The following BAZ1A variants were observed in gnomAD, a reference collection of about 807,000 sequenced individuals.
BAZ1A encodes the protein bromodomain adjacent to zinc finger domain protein 1A.
BAZ1A carries 50 observed loss-of-function variants against 185.2 expected under a neutral mutation model. That is an observed-to-expected ratio of 0.27 (90% CI 0.22 to 0.34). The LOEUF (loss-of-function observed/expected upper bound fraction) is 0.34, where lower values mean the gene tolerates loss of function less well. Among genes scored for constraint, BAZ1A ranks in the 10% least tolerant of loss-of-function variants. The pLI is 1.00. For missense variants in BAZ1A, 1,356 were observed against 1,839.9 expected, an observed-to-expected ratio of 0.74 and a Z score of 4.81; for synonymous variants, 571 against 615.6, an observed-to-expected ratio of 0.93 and a Z score of 1.07.
rs751691338 is a variant in BAZ1A, at chr14:34,753,411, G to C, written c.*97C>G. 5.0e-6 allele frequency: 6 copies of C among 1,196,870 alleles called. No homozygotes were observed. Among genetic ancestry groups the C allele is most frequent in the Non-Finnish European group, 7.2e-6 (6 of 833,276 alleles). 74.1% of individuals were successfully genotyped at this position (1,196,870 alleles called of 1,614,324 possible). A position where few individuals can be genotyped will look rare whatever the true frequency, so the allele number is the denominator to read the frequency against. ...TATAGTGCAGGCCACACTTTCATGTGGTCAATCAATTGTTATTGCTTTATA... is the reference window on the plus strand; with the variant it reads ...TATAGTGCAGGCCACACTTTCATGTCGTCAATCAATTGTTATTGCTTTATA... On this transcript the variant is annotated 3_prime_UTR_variant, in exon 27 of 27. Coordinates refer to ENST00000360310, the MANE Select transcript of BAZ1A (RefSeq NM_013448.3).
At position 34,780,229 on chromosome 14, in the gene BAZ1A, A is replaced by G. The variant is rs926623264; in HGVS notation, c.2193T>C (p.Thr731=). The G allele has an allele frequency of 1.2e-6, 2 of 1,613,576 alleles. No homozygotes were observed. The highest frequency in any genetic ancestry group is 2.7e-5 in the African/African-American group (2 of 74,920). ...GTGATCCTGGGTCATCTTCATCTTCAGTGACCATATCTTGATCTAATTCCT... is the reference window on the plus strand; with the variant it reads ...GTGATCCTGGGTCATCTTCATCTTCGGTGACCATATCTTGATCTAATTCCT... ...EQKELDQDMV[T]EDEDDPGSHK... is the part of the protein sequence containing the mutation. Residue 731 remains threonine, a synonymous_variant, in exon 17 of 27, where the codon ACT becomes ACC. Transcript: ENST00000360310.
chr14:34,854,638 T>C (rs2042647046), intron 3 of BAZ1A, among the ~76,000 whole-genome samples: 1 of 152,154 alleles, frequency 6.6e-6, no homozygotes, highest in South Asian at 2.1e-4. Flanking sequence ...TACATATACA[T>C]TTTCATTTTA....
At chr14:34,872,913 T>TAAAAAAAAAAAA in intron 2 of BAZ1A, among the ~76,000 whole-genome samples, 1 of 76,180 alleles carries the variant, frequency 1.3e-5, no homozygotes, top group Non-Finnish European at 2.2e-5. Flanking sequence ...TTTAAAATCC[T>TAAAAAAAAAAAA]AAAAAAAAAA....
chr14:34,865,031 C>G (rs2042834673), intron 2 of BAZ1A, among the ~76,000 whole-genome samples: 2 of 152,148 alleles, frequency 1.3e-5, no homozygotes. Flanking sequence ...CCACCTCAGC[C>G]TCCCAAAGTG....
chr14:34,818,635 T>A (rs2042040372), intron 4 of BAZ1A, among the ~76,000 whole-genome samples: 1 of 151,982 alleles, frequency 6.6e-6, no homozygotes. Context: ...ATTCCAGAAA[T>A]AAATAATTCA....
At chr14:34,848,741 A>C (rs996378362) in intron 3 of BAZ1A, among the ~76,000 whole-genome samples, 5 of 152,246 alleles carry the variant, frequency 3.3e-5, no homozygotes, top group African/African-American at 1.2e-4. Flanking sequence ...ATACATTTTA[A>C]ATCCAAATAC....
At chr14:34,868,896 GTA>G (rs71435821) in intron 2 of BAZ1A, among the ~76,000 whole-genome samples, 2,919 of 30,622 alleles carry the variant, frequency 0.095, 37 homozygotes, top group Non-Finnish European at 0.13. Flanking sequence ...ATGTAAGTAT[GTA>G]TGTGTGTGTG....
At chr14:34,870,926 C>T (rs894572500) in intron 2 of BAZ1A, among the ~76,000 whole-genome samples, 22 of 152,190 alleles carry the variant, frequency 1.4e-4, no homozygotes, top group African/African-American at 5.1e-4. Flanking sequence ...GCTAGTTAAA[C>T]CTCTTCCAAT....
intron 24 of BAZ1A, 58 bp downstream of exon 24, chr14:34,761,699 C>T (rs1445633143): frequency 1.6e-5 from 22 of 1,416,920 alleles, no homozygotes; most frequent in East Asian, 2.3e-5. Context: ...TCTCAACATT[C>T]GATATTTCCA....
chr14:34,819,738 T>C (rs1197918636), intron 4 of BAZ1A, among the ~76,000 whole-genome samples: 1 of 152,202 alleles, frequency 6.6e-6, no homozygotes, highest in African/African-American at 2.4e-5. Context: ...TAAACATCCA[T>C]GTGCAGGTTT....
At chr14:34,858,844 C>A (rs1259276320) in intron 3 of BAZ1A, among the ~76,000 whole-genome samples, 1 of 152,048 alleles carries the variant, frequency 6.6e-6, no homozygotes, top group Non-Finnish European at 1.5e-5. Context: ...TGGAGGAAGA[C>A]ATGAAGAAGT....
At chr14:34,795,866 A>T (rs1450255728) in intron 9 of BAZ1A, 101 bp from the exon 10 acceptor site, 8 of 790,576 alleles carry the variant, frequency 1.0e-5, no homozygotes, top group Admixed American at 2.5e-5. Flanking sequence ...CTTGGACCTT[A>T]CCCCATACCT....
chr14:34,753,205 G>A lies in BAZ1A; in HGVS notation c.*303C>T, dbSNP rs1315038966. On this transcript the variant is annotated 3_prime_UTR_variant, in exon 27 of 27. Coordinates refer to ENST00000360310, the MANE Select transcript of BAZ1A (RefSeq NM_013448.3). Reference sequence around the variant, plus strand: ...AAAATCATCAATAACAAAATAAATCGTGGGTGAAAAAATATTTTCCAAGAT... The same window carrying A: ...AAAATCATCAATAACAAAATAAATCATGGGTGAAAAAATATTTTCCAAGAT... The A allele has an allele frequency of 1.4e-4, 37 of 256,370 alleles. No homozygotes were observed. In the East Asian group the frequency reaches 1.9e-3, roughly 13 times the overall value. The allele number at this position is 256,370 out of a possible 1,614,324, so 15.9% of individuals were successfully genotyped here. A position where few individuals can be genotyped will look rare whatever the true frequency, so the allele number is the denominator to read the frequency against.
intron 4 of BAZ1A, among the ~76,000 whole-genome samples, chr14:34,815,069 C>T (rs1468888006): frequency 6.6e-6 from 1 of 152,192 alleles, no homozygotes; most frequent in East Asian, 1.9e-4. Context: ...GCCACTGCGC[C>T]TGGCCACAGA....
chr14:34,758,812 A>G lies in BAZ1A; in HGVS notation c.4278T>C (p.Ser1426=). 6.2e-7 allele frequency: 1 copy of G among 1,614,216 alleles called. No homozygotes were observed. Among genetic ancestry groups the G allele is most frequent in the Non-Finnish European group, 8.5e-7 (1 of 1,180,030 alleles). ...PSPVTLGRRS[S]GRQGGVHELS... is the part of the protein sequence containing the mutation. ...ATTCATGAACTCCTCCCTGTCGGCC[A>G]GAACTCCTTCGACCCAGTGTCACAG... is the stretch of plus-strand genomic sequence containing the variant. Residue 1426 remains serine (S), a synonymous_variant, in exon 25 of 27, where the codon TCT becomes TCC. Coordinates refer to ENST00000360310, the MANE Select transcript of BAZ1A (RefSeq NM_013448.3).
intron 15 of BAZ1A, 136 bp from the exon 16 acceptor site, chr14:34,783,368 C>CTT (rs201307518): frequency 0.036 from 13,029 of 366,862 alleles, 111 homozygotes; most frequent in South Asian, 0.071. Flanking sequence ...CATTCATAAG[C>CTT]TTTTTTTTTT....
rs1555346584 is a variant in BAZ1A, at chr14:34,872,941, A to AAAAAC, written c.113+1550_113+1551insGTTTT. On this transcript the variant is annotated intron_variant, in intron 2 of 26. Transcript: ENST00000360310. ...AAAAAAAAAAAAAAAAAAAAAAAAA[A>AAAAAC]CTTGTCCAATTACCTAATCCAAGTT... Among the ~76,000 whole-genome samples the AAAAAC allele has an allele frequency of 5.7e-4, 70 of 122,674 alleles. 3 individuals carry two copies. The highest frequency in any genetic ancestry group is 2.2e-3 in the African/African-American group (68 of 30,812). The allele number at this position is 122,674 out of a possible 152,430, so 80.5% of individuals were successfully genotyped here. A position where few individuals can be genotyped will look rare whatever the true frequency, so the allele number is the denominator to read the frequency against.
chr14:34,785,000 T>G (rs1594836404), intron 14 of BAZ1A, among the ~76,000 whole-genome samples: 1 of 152,186 alleles, frequency 6.6e-6, no homozygotes, highest in East Asian at 1.9e-4. Flanking sequence ...GGACTACAGG[T>G]GCACAGCACC....
intron 6 of BAZ1A, among the ~76,000 whole-genome samples, chr14:34,807,086 T>C (rs181275915): frequency 3.4e-5 from 5 of 148,526 alleles, no homozygotes; most frequent in African/African-American, 7.5e-5. Context: ...TGTTCTCTTA[T>C]CTAGTAGGCT....
Sources: gnomAD v4.1 joint callset for allele counts (sites outside exome capture counted in the v4.1 genomes callset) on GRCh38, gnomAD v4.1.1 for gene constraint, MANE v1.5 for transcripts, NCBI Gene and HGNC (gene_info 2026-07-23, HGNC 2026-07-21) for gene names.